CLSTN2: variants seen among roughly 807,000 people sequenced by gnomAD.
CLSTN2 encodes the protein calsyntenin 2.
A neutral mutation model predicts 101.2 loss-of-function variants in CLSTN2; 48 were observed. The ratio of observed to expected loss-of-function variants is 0.47; its 90% CI spans 0.38 to 0.60. The LOEUF is 0.60. CLSTN2 is among the 20% of genes least tolerant of loss of function. The pLI, the probability that CLSTN2 is intolerant of heterozygous loss-of-function variation, is 0.00. For missense variants in CLSTN2, 1,160 were observed against 1,238.2 expected (o/e 0.94, Z 0.95); for synonymous variants, 481 against 463.6 (o/e 1.04, Z -0.48).
intron 8 of CLSTN2, among the ~76,000 whole-genome samples, chr3:140,520,514 T>C (rs1186394637): frequency 6.6e-6 from 1 of 152,138 alleles, no homozygotes; most frequent in Non-Finnish European, 1.5e-5. Flanking sequence ...ATCACAAGAA[T>C]AGCATGGGGG....
chr3:140,504,113 A>G (rs1349701517), intron 8 of CLSTN2, among the ~76,000 whole-genome samples: 3 of 152,192 alleles, frequency 2.0e-5, no homozygotes, highest in South Asian at 2.1e-4. Context: ...GGAGCCTACA[A>G]GGCTTTGCCA....
intron 1 of CLSTN2, among the ~76,000 whole-genome samples, chr3:140,061,038 A>G (rs2008195525): frequency 6.6e-6 from 1 of 152,170 alleles, no homozygotes; most frequent in Admixed American, 6.5e-5. Context: ...GGCATAAGAG[A>G]AGATATTACT....
chr3:140,052,649 G>T (rs2107769046), intron 1 of CLSTN2, among the ~76,000 whole-genome samples: 1 of 152,278 alleles, frequency 6.6e-6, no homozygotes, highest in Non-Finnish European at 1.5e-5. Flanking sequence ...GATTGGAAAT[G>T]CCCCCTGAGG....
chr3:140,237,289 G>T (rs2086426521), intron 2 of CLSTN2, among the ~76,000 whole-genome samples: 1 of 152,148 alleles, frequency 6.6e-6, no homozygotes, highest in East Asian at 1.9e-4. Flanking sequence ...TACTCCATGT[G>T]TCGTACATTA....
rs925554131 is a variant in CLSTN2 at position 140,194,163 on chromosome 3, TAAAC to T, written c.232+18093_232+18096del. 4.0e-4 allele frequency among the ~76,000 whole-genome samples: 61 copies of T among 152,288 alleles called. 1 individual carries two copies. Among genetic ancestry groups the T allele is most frequent in the Middle Eastern group, 3.4e-3 (1 of 294 alleles). Reference sequence around the variant, plus strand: ...AGAATACCATACCCTAGGTGGCTAATAAACAACAGAAATTTATTTTTTGTAGTTC... The same window carrying T: ...AGAATACCATACCCTAGGTGGCTAATAACAGAAATTTATTTTTTGTAGTTC... On this transcript the variant is annotated intron_variant, in intron 2 of 16. Transcript: ENST00000458420.
intron 10 of CLSTN2, among the ~76,000 whole-genome samples, chr3:140,549,545 C>A (rs1935667969): frequency 6.6e-6 from 1 of 150,508 alleles, no homozygotes; most frequent in South Asian, 2.1e-4. Flanking sequence ...ATTGTATGTT[C>A]ATTATCCCTA....
chr3:140,329,185 G>A (rs1276226871), intron 2 of CLSTN2, among the ~76,000 whole-genome samples: 2 of 152,112 alleles, frequency 1.3e-5, no homozygotes, highest in Non-Finnish European at 2.9e-5. Flanking sequence ...TCGGGAGTTT[G>A]AGACCAGCCT....
chr3:140,556,162 G>T (rs567115493), intron 10 of CLSTN2, among the ~76,000 whole-genome samples: 1 of 152,322 alleles, frequency 6.6e-6, no homozygotes, highest in Non-Finnish European at 1.5e-5. Flanking sequence ...CAAGTTCTGA[G>T]TGGTCCAGAC....
chr3:139,942,877 C>G (rs974997948), intron 1 of CLSTN2, among the ~76,000 whole-genome samples: 1 of 152,206 alleles, frequency 6.6e-6, no homozygotes, highest in Admixed American at 6.5e-5. Context: ...ACTCTAAGGA[C>G]AGGCAACTTA....
chr3:140,009,676 CTGT>C (rs2007032351), intron 1 of CLSTN2, among the ~76,000 whole-genome samples: 1 of 152,090 alleles, frequency 6.6e-6, no homozygotes, highest in Non-Finnish European at 1.5e-5. Context: ...TTTTAAGTTT[CTGT>C]TGTTATAAAT....
At chr3:140,001,238 C>T (rs565030099) in intron 1 of CLSTN2, among the ~76,000 whole-genome samples, 92 of 152,224 alleles carry the variant, frequency 6.0e-4, no homozygotes, top group African/African-American at 2.1e-3. Context: ...CTGTTTCCCA[C>T]AGAGCTCTTG....
chr3:139,975,990 A>C (rs781357984), intron 1 of CLSTN2, among the ~76,000 whole-genome samples: 1 of 152,224 alleles, frequency 6.6e-6, no homozygotes, highest in African/African-American at 2.4e-5. Context: ...GGTAGCATTA[A>C]GTTGACTTTT....
chr3:140,424,452 TACTC>T (rs749229339), intron 5 of CLSTN2, among the ~76,000 whole-genome samples: 2 of 152,198 alleles, frequency 1.3e-5, no homozygotes, highest in South Asian at 4.1e-4. Context: ...CCTCAACTCT[TACTC>T]ACTCATCTTG....
intron 1 of CLSTN2, among the ~76,000 whole-genome samples, chr3:139,960,999 C>T (rs773076961): frequency 3.3e-5 from 5 of 152,196 alleles, no homozygotes; most frequent in African/African-American, 1.2e-4. Context: ...CTAACCCTTT[C>T]ATCTAGAAAT....
intron 1 of CLSTN2, among the ~76,000 whole-genome samples, chr3:139,989,543 C>T (rs1936084330): frequency 6.6e-6 from 1 of 152,152 alleles, no homozygotes; most frequent in Non-Finnish European, 1.5e-5. Context: ...CTCTGTCTGC[C>T]CTCACTCCCC....
chr3:140,345,290 C>T (rs994317060), intron 2 of CLSTN2, among the ~76,000 whole-genome samples: 2 of 147,850 alleles, frequency 1.4e-5, no homozygotes, highest in African/African-American at 5.0e-5. Flanking sequence ...CTCTTGTTGC[C>T]CAGGCTGCAG....
intron 2 of CLSTN2, among the ~76,000 whole-genome samples, chr3:140,252,079 C>T (rs1030438137): frequency 3.3e-5 from 5 of 151,766 alleles, no homozygotes; most frequent in Non-Finnish European, 5.9e-5. Flanking sequence ...GAGAGTGACA[C>T]GATGAGGCAT....
intron 1 of CLSTN2, among the ~76,000 whole-genome samples, chr3:139,941,203 G>A (rs1230636881): frequency 2.0e-5 from 3 of 152,116 alleles, no homozygotes; most frequent in African/African-American, 4.8e-5. Flanking sequence ...CAGGTTTTGA[G>A]GGTAGACCAT....
chr3:140,404,381 G>T (rs2088279854), intron 3 of CLSTN2, among the ~76,000 whole-genome samples, 177 bp from the exon 4 acceptor site: 1 of 152,188 alleles, frequency 6.6e-6, no homozygotes. Context: ...CAGAGCAAGG[G>T]CAAGTAGAGA....
Sources: gnomAD v4.1 joint callset for allele counts (sites outside exome capture counted in the v4.1 genomes callset) on GRCh38, gnomAD v4.1.1 for gene constraint, MANE v1.5 for transcripts, NCBI Gene and HGNC (gene_info 2026-07-23, HGNC 2026-07-21) for gene names.